SHROOM3: variants seen among roughly 807,000 people sequenced by gnomAD.
SHROOM3 encodes shroom family member 3, also known as protein Shroom3.
In SHROOM3, 47 loss-of-function variants were observed where a neutral mutation model predicts 138.6. The ratio of observed to expected loss-of-function variants is 0.34; its 90% CI spans 0.27 to 0.43. The LOEUF is 0.43. Ranked by LOEUF, SHROOM3 falls within the 20% of genes least tolerant of loss-of-function variation. The pLI is 1.00. For synonymous variants in SHROOM3, 1,062 were observed against 1,063.3 expected, an observed-to-expected ratio of 1.00 and a Z score of 0.02; for missense variants, 2,491 against 2,596.5, an observed-to-expected ratio of 0.96 and a Z score of 0.88.
At chr4:76,471,626 G>A in intron 1 of SHROOM3, among the ~76,000 whole-genome samples, 1 of 152,164 alleles carries the variant, frequency 6.6e-6, no homozygotes, top group East Asian at 1.9e-4. Context: ...CTCAAAGTGG[G>A]AGGGAGTCCT....
At chr4:76,777,402 G>A (rs901032126) in intron 10 of SHROOM3, among the ~76,000 whole-genome samples, 15 of 152,148 alleles carry the variant, frequency 9.9e-5, no homozygotes, top group African/African-American at 1.2e-4. Flanking sequence ...CAGCTTGGTC[G>A]CTGTTGGTGT....
At chr4:76,440,654 T>C (rs1157953526) in intron 1 of SHROOM3, among the ~76,000 whole-genome samples, 1 of 152,140 alleles carries the variant, frequency 6.6e-6, no homozygotes, top group Non-Finnish European at 1.5e-5. Context: ...GTAGAGGCAT[T>C]TCTTTGTGCT....
At chr4:76,550,790 G>A (rs1356228496) in intron 1 of SHROOM3, among the ~76,000 whole-genome samples, 3 of 151,946 alleles carry the variant, frequency 2.0e-5, no homozygotes, top group Admixed American at 6.6e-5. Context: ...CTTGAGTTCA[G>A]GAGTTCAAGA....
At chr4:76,646,160 G>A (rs1342071241) in intron 2 of SHROOM3, among the ~76,000 whole-genome samples, 3 of 146,334 alleles carry the variant, frequency 2.1e-5, no homozygotes, top group Non-Finnish European at 4.5e-5. Flanking sequence ...CATGGCACAT[G>A]TATACATATG....
chr4:76,566,164 G>A (rs1161616484), intron 2 of SHROOM3, among the ~76,000 whole-genome samples: 1 of 149,604 alleles, frequency 6.7e-6, no homozygotes, highest in East Asian at 1.9e-4. Context: ...CATCTGTACT[G>A]AAAATGTACA....
At chr4:76,618,604 T>C (rs989651095) in intron 2 of SHROOM3, among the ~76,000 whole-genome samples, 9 of 152,246 alleles carry the variant, frequency 5.9e-5, no homozygotes, top group African/African-American at 2.2e-4. Context: ...ACATAGCCTA[T>C]GTACTATAAT....
At chr4:76,528,667 C>G (rs1732758253) in intron 1 of SHROOM3, among the ~76,000 whole-genome samples, 1 of 151,580 alleles carries the variant, frequency 6.6e-6, no homozygotes, top group African/African-American at 2.4e-5. Context: ...ATTCTCCTGC[C>G]TCAGTCTCCC....
chr4:76,462,695 TCTCTCC>T (rs1161059508), intron 1 of SHROOM3, among the ~76,000 whole-genome samples: 84 of 148,362 alleles, frequency 5.7e-4, no homozygotes, highest in South Asian at 1.3e-3. Flanking sequence ...TCTCCCTCTC[TCTCTCC>T]CTCTCCCTCT....
intron 3 of SHROOM3, among the ~76,000 whole-genome samples, chr4:76,728,828 T>C (rs1720785054): frequency 6.6e-6 from 1 of 152,138 alleles, no homozygotes. Flanking sequence ...GTGACCATGG[T>C]AAGTCTCAGG....
intron 9 of SHROOM3, among the ~76,000 whole-genome samples, chr4:76,766,323 T>C (rs1722154979): frequency 6.6e-6 from 1 of 152,212 alleles, no homozygotes; most frequent in Non-Finnish European, 1.5e-5. Context: ...GAAGGTCAAG[T>C]GACTTGCCTG....
chr4:76,605,060 A>G (rs1418936695), intron 2 of SHROOM3, among the ~76,000 whole-genome samples: 1 of 152,194 alleles, frequency 6.6e-6, no homozygotes, highest in Non-Finnish European at 1.5e-5. Context: ...ACTGATTTGG[A>G]TTTAAATACC....
At chr4:76,701,160 G>A (rs1719892702) in intron 2 of SHROOM3, among the ~76,000 whole-genome samples, 1 of 152,190 alleles carries the variant, frequency 6.6e-6, no homozygotes, top group Non-Finnish European at 1.5e-5. Context: ...GTAGGGGCAG[G>A]AATGCTGTCT....
At chr4:76,559,207 C>T (rs1277717077) in intron 2 of SHROOM3, 1 of 152,162 alleles carries the variant, frequency 6.6e-6, no homozygotes, top group African/African-American at 2.4e-5. Context: ...AGGAGGCTGC[C>T]TTTACATCTG....
chr4:76,464,388 G>A (rs1011097495), intron 1 of SHROOM3, among the ~76,000 whole-genome samples: 2 of 152,102 alleles, frequency 1.3e-5, no homozygotes, highest in Non-Finnish European at 2.9e-5. Context: ...GTACCCCATT[G>A]TATCTTGGAA....
chr4:76,603,735 C>T (rs950066351), intron 2 of SHROOM3, among the ~76,000 whole-genome samples: 2 of 152,066 alleles, frequency 1.3e-5, no homozygotes, highest in African/African-American at 4.8e-5. Flanking sequence ...CTCCCTCAGC[C>T]CCCAACCCTG....
intron 2 of SHROOM3, among the ~76,000 whole-genome samples, chr4:76,581,931 C>T (rs1267955387): frequency 6.6e-6 from 1 of 152,220 alleles, no homozygotes; most frequent in East Asian, 1.9e-4. Context: ...AATCACTCTT[C>T]CTTCTAAAGA....
At chr4:76,655,627 C>A (rs1260694067) in intron 2 of SHROOM3, among the ~76,000 whole-genome samples, 1 of 152,122 alleles carries the variant, frequency 6.6e-6, no homozygotes, top group African/African-American at 2.4e-5. Flanking sequence ...CTTCAAAGCT[C>A]CAAGAAAAAA....
chr4:76,636,183 A>G (rs1735489360), intron 2 of SHROOM3, among the ~76,000 whole-genome samples: 1 of 152,218 alleles, frequency 6.6e-6, no homozygotes, highest in Non-Finnish European at 1.5e-5. Context: ...TTTCTTCTGT[A>G]GCAGTTCTGA....
chr4:76,505,660 C>CTTTTT (rs201633763), intron 1 of SHROOM3, among the ~76,000 whole-genome samples: 1 of 135,788 alleles, frequency 7.4e-6, no homozygotes, highest in Non-Finnish European at 1.6e-5. Flanking sequence ...GGTATTGTGA[C>CTTTTT]TTTTTTTTTT....
Sources: gnomAD v4.1 joint callset for allele counts (sites outside exome capture counted in the v4.1 genomes callset) on GRCh38, gnomAD v4.1.1 for gene constraint, MANE v1.5 for transcripts, NCBI Gene and HGNC (gene_info 2026-07-23, HGNC 2026-07-21) for gene names.